ENOX1: variants seen among roughly 807,000 people sequenced by gnomAD.
ENOX1 encodes the protein candidate growth-related and time keeping constitutive hydroquinone (NADH) oxidase.
In ENOX1, 42 loss-of-function variants were observed where a neutral mutation model predicts 82.5. The ratio of observed to expected loss-of-function variants is 0.51; its 90% CI spans 0.40 to 0.66. The LOEUF is 0.66. Ranked by LOEUF, ENOX1 falls within the 30% of genes least tolerant of loss-of-function variation. The pLI is 0.00. For missense variants in ENOX1, 608 were observed against 811.6 expected, an observed-to-expected ratio of 0.75 and a Z score of 3.05; for synonymous variants, 271 against 282.2, an observed-to-expected ratio of 0.96 and a Z score of 0.40.
At chr13:43,598,589 G>A (rs967906122) in intron 2 of ENOX1, among the ~76,000 whole-genome samples, 1 of 151,978 alleles carries the variant, frequency 6.6e-6, no homozygotes, top group African/African-American at 2.4e-5. Flanking sequence ...GTGCCCTCCA[G>A]TCTCTGCACA....
At chr13:43,351,473 T>A (rs1018332921) in intron 8 of ENOX1, among the ~76,000 whole-genome samples, 1 of 150,116 alleles carries the variant, frequency 6.7e-6, no homozygotes, top group African/African-American at 2.4e-5. Context: ...ATGTGCACAT[T>A]GTGCAGGTTA....
intron 2 of ENOX1, among the ~76,000 whole-genome samples, chr13:43,628,384 C>T (rs1248914820): frequency 6.6e-6 from 1 of 152,166 alleles, no homozygotes; most frequent in Non-Finnish European, 1.5e-5. Context: ...CTTCACTATG[C>T]TGTTGAGTCT....
chr13:43,266,328 C>T (rs2153479405), intron 13 of ENOX1, among the ~76,000 whole-genome samples: 1 of 152,274 alleles, frequency 6.6e-6, no homozygotes, highest in Admixed American at 6.5e-5. Context: ...AATCAATGCA[C>T]ATATACCACC....
At chr13:43,331,846 C>T (rs1033360348) in intron 9 of ENOX1, among the ~76,000 whole-genome samples, 1 of 152,128 alleles carries the variant, frequency 6.6e-6, no homozygotes, top group African/African-American at 2.4e-5. Flanking sequence ...AAAAGAGATT[C>T]CCAGACAGAC....
intron 1 of ENOX1, among the ~76,000 whole-genome samples, chr13:43,691,609 C>T (rs959939837): frequency 3.3e-5 from 5 of 151,964 alleles, no homozygotes; most frequent in African/African-American, 1.2e-4. Context: ...CTAGTATGTA[C>T]CTCCTCATTA....
At chr13:43,536,101 CT>C (rs1162151979) in intron 2 of ENOX1, among the ~76,000 whole-genome samples, 3 of 152,150 alleles carry the variant, frequency 2.0e-5, no homozygotes, top group African/African-American at 7.2e-5. Context: ...TAAATGCCAT[CT>C]TTTTTTGTTG....
chr13:43,412,946 C>CT lies in ENOX1; in HGVS notation c.-33dup. ...ATGAGTGTCCAGAGGGGCAGGAACA[C>CT]TTTGATGGCTGAGTGCAGGGTCCCC... On this transcript the variant is annotated 5_prime_UTR_variant, in exon 4 of 17. Coordinates refer to ENST00000690772, the MANE Select transcript of ENOX1 (RefSeq NM_001347969.2). The CT allele has an allele frequency of 6.2e-7, 1 of 1,613,136 alleles. No individual in the cohort carries two copies. The highest frequency in any genetic ancestry group is 8.5e-7 in the Non-Finnish European group (1 of 1,179,810).
chr13:43,230,097 C>T (rs1036141771), intron 15 of ENOX1, among the ~76,000 whole-genome samples: 4 of 152,158 alleles, frequency 2.6e-5, no homozygotes, highest in African/African-American at 9.7e-5. Flanking sequence ...TAGAGGTAAG[C>T]TGAGGAAAAC....
chr13:43,654,103 T>C (rs2084318841), intron 2 of ENOX1, among the ~76,000 whole-genome samples: 1 of 152,224 alleles, frequency 6.6e-6, no homozygotes, highest in East Asian at 1.9e-4. Flanking sequence ...AAGTATTTGA[T>C]AGATGGGATT....
chr13:43,316,124 A>C (rs561923861), intron 11 of ENOX1, among the ~76,000 whole-genome samples: 1 of 152,282 alleles, frequency 6.6e-6, no homozygotes, highest in South Asian at 2.1e-4. Context: ...ACCAGGCTCA[A>C]GGGACTCATA....
chr13:43,323,948 G>T (rs906396347), intron 10 of ENOX1, among the ~76,000 whole-genome samples: 1 of 152,230 alleles, frequency 6.6e-6, no homozygotes, highest in East Asian at 1.9e-4. Flanking sequence ...AATCACCCTT[G>T]CAGAAGACAG....
intron 2 of ENOX1, among the ~76,000 whole-genome samples, chr13:43,568,185 A>C (rs542997482): frequency 6.6e-6 from 1 of 152,242 alleles, no homozygotes; most frequent in Non-Finnish European, 1.5e-5. Flanking sequence ...GTATATAACT[A>C]CAGCAACAAT....
In ENOX1 at chr13:43,695,450, T is replaced by C. The variant is rs1474556231; in HGVS notation, c.-284-27906A>G. The stretch of plus-strand genomic sequence containing the variant: ...ACTTTTAAAAAAATCTAATTTTTTT[T>C]TTTTTTTTTTTTTTGGAGACAGAGT... On this transcript the variant is annotated intron_variant, in intron 1 of 16. Transcript: ENST00000690772. Among the ~76,000 whole-genome samples, 4 of 145,600 alleles carry C rather than the reference T, an allele frequency of 2.7e-5. 1 individual carries two copies. Among genetic ancestry groups the C allele is most frequent in the African/African-American group, 1.1e-4 (4 of 37,744 alleles).
intron 1 of ENOX1, among the ~76,000 whole-genome samples, chr13:43,684,437 T>TAAG (rs2085961494): frequency 6.6e-6 from 1 of 152,052 alleles, no homozygotes; most frequent in African/African-American, 2.4e-5. Flanking sequence ...TGAGCAAAAG[T>TAAG]CAGATGTCCC....
chr13:43,620,423 C>A (rs1000507530), intron 2 of ENOX1, among the ~76,000 whole-genome samples: 13 of 151,934 alleles, frequency 8.6e-5, no homozygotes, highest in African/African-American at 3.1e-4. Flanking sequence ...TGCTGTATCC[C>A]AAAGGTTTTG....
At chr13:43,625,501 G>A (rs1392508501) in intron 2 of ENOX1, among the ~76,000 whole-genome samples, 1 of 151,854 alleles carries the variant, frequency 6.6e-6, no homozygotes, top group Non-Finnish European at 1.5e-5. Context: ...CATATATCGA[G>A]TTTAAGAAAT....
intron 2 of ENOX1, among the ~76,000 whole-genome samples, chr13:43,572,602 C>G (rs1303486904): frequency 6.6e-6 from 1 of 152,216 alleles, no homozygotes; most frequent in Non-Finnish European, 1.5e-5. Context: ...TTCTGTTAAA[C>G]AGAAATCTCA....
intron 1 of ENOX1, among the ~76,000 whole-genome samples, chr13:43,676,075 G>A (rs2085494232): frequency 6.6e-6 from 1 of 152,156 alleles, no homozygotes. Flanking sequence ...ATCCTTCTGA[G>A]GGCTGCACAG....
chr13:43,356,275 TC>T, intron 7 of ENOX1, 123 bp from the exon 8 acceptor site: 1 of 780,076 alleles, frequency 1.3e-6, no homozygotes, highest in Admixed American at 2.7e-5. Context: ...CGGATACATT[TC>T]CCATAGGAAG....
Sources: gnomAD v4.1 joint callset for allele counts (sites outside exome capture counted in the v4.1 genomes callset) on GRCh38, gnomAD v4.1.1 for gene constraint, MANE v1.5 for transcripts, NCBI Gene and HGNC (gene_info 2026-07-23, HGNC 2026-07-21) for gene names.